Variants in TAFA1 observed in about 807,000 individuals in gnomAD.
TAFA1 encodes the protein chemokine-like protein TAFA-1.
TAFA1 carries 4 observed loss-of-function variants against 18.5 expected under a neutral mutation model. The observed-to-expected ratio is 0.22, with a 90% CI of 0.11 to 0.49. The LOEUF is 0.49. Ranked by LOEUF, TAFA1 falls within the 20% of genes least tolerant of loss-of-function variation. The probability of loss-of-function intolerance (pLI) is 0.98; values close to 1 mark genes in which losing one functional copy is unlikely to be tolerated. For missense variants in TAFA1, 147 were observed against 169.0 expected, an observed-to-expected ratio of 0.87 and a Z score of 0.72; for synonymous variants, 56 against 55.2, an observed-to-expected ratio of 1.01 and a Z score of -0.06.
chr3:68,417,780 T>C (rs1383199836), intron 3 of TAFA1, among the ~76,000 whole-genome samples: 2 of 152,090 alleles, frequency 1.3e-5, no homozygotes, highest in Non-Finnish European at 2.9e-5. Context: ...GGCTCCTGGA[T>C]GCACAGGCTG....
At chr3:68,082,147 AGGCAGTGCCTCACCCTGCTTC>A (rs1260662749) in intron 2 of TAFA1, among the ~76,000 whole-genome samples, 2 of 152,186 alleles carry the variant, frequency 1.3e-5, no homozygotes, top group African/African-American at 4.8e-5. Context: ...TTCCCAAGTG[AGGCAGTGCCTCACCCTGCTTC>A]GGCTCGCGCA....
At chr3:68,027,049 A>G (rs1448764994) in intron 2 of TAFA1, among the ~76,000 whole-genome samples, 2 of 151,964 alleles carry the variant, frequency 1.3e-5, no homozygotes, top group Non-Finnish European at 2.9e-5. Context: ...AAAGAATCCA[A>G]AACTGAGTAT....
chr3:68,156,000 T>TC (rs1284923753), intron 2 of TAFA1, among the ~76,000 whole-genome samples: 1 of 151,958 alleles, frequency 6.6e-6, no homozygotes, highest in Admixed American at 6.6e-5. Context: ...CTACTTTTTT[T>TC]CCCCCTTCAA....
intron 3 of TAFA1, among the ~76,000 whole-genome samples, chr3:68,526,781 G>T (rs2073116591): frequency 6.6e-6 from 1 of 151,870 alleles, no homozygotes; most frequent in Non-Finnish European, 1.5e-5. Context: ...CTGCCAAATG[G>T]AATCATGAGT....
chr3:68,232,940 C>T (rs1455217615), intron 2 of TAFA1, among the ~76,000 whole-genome samples: 2 of 152,126 alleles, frequency 1.3e-5, no homozygotes, highest in African/African-American at 2.4e-5. Flanking sequence ...ATACTGCTTT[C>T]CATAATGGCT....
intron 2 of TAFA1, among the ~76,000 whole-genome samples, chr3:68,404,338 C>T (rs750682641): frequency 1.2e-4 from 19 of 152,138 alleles, no homozygotes; most frequent in Non-Finnish European, 2.4e-4. Context: ...TCACAAAATC[C>T]TCAATTATGG....
At chr3:68,316,167 C>T (rs1347944119) in intron 2 of TAFA1, among the ~76,000 whole-genome samples, 3 of 152,116 alleles carry the variant, frequency 2.0e-5, no homozygotes, top group South Asian at 2.1e-4. Context: ...CATAACTGTA[C>T]GAATGCACAT....
intron 2 of TAFA1, among the ~76,000 whole-genome samples, chr3:68,014,575 G>T (rs73104859): frequency 0.055 from 8,361 of 152,240 alleles, 311 homozygotes; most frequent in Non-Finnish European, 0.086. Flanking sequence ...GTACCTGGTA[G>T]CTCCAAGAGG....
chr3:68,087,494 G>A (rs917704995), intron 2 of TAFA1, among the ~76,000 whole-genome samples: 61 of 151,406 alleles, frequency 4.0e-4, no homozygotes, highest in African/African-American at 1.4e-3. Context: ...ATGTCCTCAG[G>A]ATTTTTGTCT....
intron 2 of TAFA1, among the ~76,000 whole-genome samples, chr3:68,293,114 C>T (rs568048309): frequency 2.0e-5 from 3 of 152,182 alleles, no homozygotes; most frequent in South Asian, 2.1e-4. Context: ...GGGAGATTTA[C>T]CTCTGTAAAC....
At chr3:68,435,094 A>G (rs1288707169) in intron 3 of TAFA1, among the ~76,000 whole-genome samples, 2 of 152,104 alleles carry the variant, frequency 1.3e-5, no homozygotes, top group Non-Finnish European at 1.5e-5. Context: ...AGCAGAGGTT[A>G]GGGTGTTAAA....
intron 2 of TAFA1, among the ~76,000 whole-genome samples, chr3:68,201,796 C>G (rs1395022649): frequency 6.6e-6 from 1 of 151,602 alleles, no homozygotes; most frequent in Admixed American, 6.6e-5. Flanking sequence ...ATGGGAAGTA[C>G]AAGAAGCATA....
At chr3:68,251,188 A>G (rs1189954338) in intron 2 of TAFA1, among the ~76,000 whole-genome samples, 3 of 152,296 alleles carry the variant, frequency 2.0e-5, no homozygotes, top group South Asian at 4.1e-4. Flanking sequence ...CAGACCCTTG[A>G]GAGTGTGAGT....
intron 2 of TAFA1, among the ~76,000 whole-genome samples, chr3:68,209,325 TA>T (rs2066565757): frequency 6.6e-6 from 1 of 152,014 alleles, no homozygotes; most frequent in Non-Finnish European, 1.5e-5. Context: ...TGGTGATTTT[TA>T]AATTCAGCAA....
At chr3:68,087,784 G>A (rs780613290) in intron 2 of TAFA1, among the ~76,000 whole-genome samples, 1 of 152,000 alleles carries the variant, frequency 6.6e-6, no homozygotes, top group Non-Finnish European at 1.5e-5. Flanking sequence ...TCTACTTCAT[G>A]AGAATTTTAT....
chr3:68,420,177 C>T (rs2070927099), intron 3 of TAFA1, among the ~76,000 whole-genome samples: 1 of 152,168 alleles, frequency 6.6e-6, no homozygotes, highest in Non-Finnish European at 1.5e-5. Context: ...GTGTGTCAAC[C>T]TTTGCCCAGC....
At chr3:68,405,202 C>G (rs2070574900) in intron 2 of TAFA1, among the ~76,000 whole-genome samples, 1 of 152,042 alleles carries the variant, frequency 6.6e-6, no homozygotes, top group Non-Finnish European at 1.5e-5. Context: ...TTACACTTAT[C>G]TGTGAACAAT....
intron 2 of TAFA1, among the ~76,000 whole-genome samples, chr3:68,310,815 A>G (rs1341812209): frequency 1.3e-5 from 2 of 152,124 alleles, no homozygotes; most frequent in Admixed American, 6.6e-5. Context: ...TTTAGTTTCA[A>G]TTGTGTGGTT....
chr3:68,263,296 A>G (rs1054596892), intron 2 of TAFA1, among the ~76,000 whole-genome samples: 17 of 152,076 alleles, frequency 1.1e-4, no homozygotes, highest in African/African-American at 4.1e-4. Flanking sequence ...CTGACATACA[A>G]TATGCTGTTT....
Sources: allele counts gnomAD v4.1 joint callset (sites outside exome capture counted in the v4.1 genomes callset), GRCh38; gene constraint gnomAD v4.1.1; transcripts MANE v1.5; gene names NCBI Gene and HGNC (gene_info 2026-07-23, HGNC 2026-07-21).